Variants in XKR6 observed in about 807,000 individuals in gnomAD.
XKR6 encodes XK related 6.
A neutral mutation model predicts 56.7 loss-of-function variants in XKR6; 22 were observed. The ratio of observed to expected loss-of-function variants is 0.39; its 90% CI spans 0.28 to 0.55. The LOEUF (loss-of-function observed/expected upper bound fraction) is 0.55. Among genes scored for constraint, XKR6 ranks in the 20% least tolerant of loss-of-function variants. The pLI is 0.66. For synonymous variants in XKR6, 524 were observed against 387.8 expected (o/e 1.35, Z -4.13); for missense variants, 852 against 889.0 (o/e 0.96, Z 0.53).
chr8:11,187,691 A>G (rs569418321), intron 1 of XKR6, among the ~76,000 whole-genome samples: 3 of 152,314 alleles, frequency 2.0e-5, no homozygotes, highest in East Asian at 1.9e-4. Context: ...AGCAGTGGGC[A>G]TGGGGGTGGC....
At chr8:10,952,990 T>C (rs1382569181) in intron 1 of XKR6, among the ~76,000 whole-genome samples, 1 of 152,012 alleles carries the variant, frequency 6.6e-6, no homozygotes. Context: ...GCGCGCTCCT[T>C]ATGAGAATCT....
At chr8:11,034,679 G>A (rs1355271466) in intron 1 of XKR6, among the ~76,000 whole-genome samples, 5 of 152,186 alleles carry the variant, frequency 3.3e-5, no homozygotes, top group African/African-American at 1.2e-4. Flanking sequence ...ACCAGCACAT[G>A]ACTGTCAGGC....
intron 1 of XKR6, among the ~76,000 whole-genome samples, chr8:11,012,487 GGCT>G (rs1346228116): frequency 6.6e-6 from 1 of 151,964 alleles, no homozygotes; most frequent in Non-Finnish European, 1.5e-5. Context: ...TAGTTGTTAC[GGCT>G]GCTATTATCA....
At chr8:11,114,534 T>C (rs1799065563) in intron 1 of XKR6, among the ~76,000 whole-genome samples, 1 of 152,156 alleles carries the variant, frequency 6.6e-6, no homozygotes, top group Non-Finnish European at 1.5e-5. Context: ...CTAATTCTTG[T>C]ATTTTTAGTA....
intron 1 of XKR6, among the ~76,000 whole-genome samples, chr8:11,166,043 C>A (rs1232636335): frequency 1.3e-5 from 2 of 151,444 alleles, no homozygotes; most frequent in Non-Finnish European, 2.9e-5. Flanking sequence ...GCAACCTCCA[C>A]CTCCTGGATT....
At chr8:11,168,923 G>A (rs1406744972) in intron 1 of XKR6, among the ~76,000 whole-genome samples, 1 of 152,188 alleles carries the variant, frequency 6.6e-6, no homozygotes, top group African/African-American at 2.4e-5. Context: ...AGTGGGCTCT[G>A]TTGGGTTCCT....
intron 1 of XKR6, among the ~76,000 whole-genome samples, chr8:10,975,261 C>G (rs977334213): frequency 1.3e-5 from 2 of 152,320 alleles, no homozygotes; most frequent in Admixed American, 1.3e-4. Context: ...TGGCACCATC[C>G]CAGGCTGCTC....
chr8:11,086,372 C>G (rs1381842586), intron 1 of XKR6, among the ~76,000 whole-genome samples: 1 of 152,068 alleles, frequency 6.6e-6, no homozygotes, highest in African/African-American at 2.4e-5. Flanking sequence ...CGAGGATGTG[C>G]CCGGCACACA....
chr8:10,990,092 T>C (rs753550207), intron 1 of XKR6, among the ~76,000 whole-genome samples: 1 of 152,212 alleles, frequency 6.6e-6, no homozygotes, highest in Non-Finnish European at 1.5e-5. Context: ...TAAATGCTGA[T>C]TGAGACTGCA....
intron 1 of XKR6, among the ~76,000 whole-genome samples, chr8:11,155,509 C>G (rs1801479014): frequency 6.6e-6 from 1 of 152,208 alleles, no homozygotes; most frequent in African/African-American, 2.4e-5. Context: ...TAATGGAATT[C>G]AAGATCCTCA....
chr8:11,166,651 C>T (rs1025864536), intron 1 of XKR6, among the ~76,000 whole-genome samples: 9 of 152,122 alleles, frequency 5.9e-5, no homozygotes, highest in Non-Finnish European at 8.8e-5. Flanking sequence ...TGGCTCACTG[C>T]AACCTCTGCC....
intron 1 of XKR6, among the ~76,000 whole-genome samples, chr8:11,097,395 T>C (rs1450090096): frequency 1.3e-5 from 2 of 151,718 alleles, no homozygotes; most frequent in East Asian, 3.9e-4. Flanking sequence ...ACTTGAGCAA[T>C]ATGCCACTTT....
chr8:10,947,095 C>T (rs11779116), intron 1 of XKR6, among the ~76,000 whole-genome samples: 11,434 of 152,118 alleles, frequency 0.075, 445 homozygotes, highest in Middle Eastern at 0.14. Context: ...CTGGCTGCAG[C>T]TAAGGAGACG....
intron 1 of XKR6, among the ~76,000 whole-genome samples, chr8:11,051,856 A>G (rs547650559): frequency 3.9e-5 from 6 of 152,188 alleles, no homozygotes; most frequent in Admixed American, 2.0e-4. Context: ...CCAAACAAAC[A>G]AAACGGGATA....
intron 1 of XKR6, among the ~76,000 whole-genome samples, chr8:10,986,798 T>C (rs911529539): frequency 6.6e-6 from 1 of 152,072 alleles, no homozygotes; most frequent in African/African-American, 2.4e-5. Flanking sequence ...CTTTTTTTTT[T>C]TTAAGAGATA....
At chr8:11,063,454 C>T (rs1180922009) in intron 1 of XKR6, among the ~76,000 whole-genome samples, 1 of 150,514 alleles carries the variant, frequency 6.6e-6, no homozygotes, top group Non-Finnish European at 1.5e-5. Flanking sequence ...GCTACGATCT[C>T]ACCATCTCAC....
intron 1 of XKR6, among the ~76,000 whole-genome samples, chr8:11,184,367 T>TTATA (rs1238687932): frequency 0.027 from 4,033 of 147,056 alleles, 167 homozygotes; most frequent in African/African-American, 0.096. Flanking sequence ...AATACATATT[T>TTATA]TATATATATA....
At chr8:10,916,751 A>T (rs1038928857) in intron 2 of XKR6, among the ~76,000 whole-genome samples, 4 of 152,230 alleles carry the variant, frequency 2.6e-5, no homozygotes, top group Admixed American at 2.6e-4. Context: ...TGCAGCCAAA[A>T]AGAAAGGCAC....
At chr8:11,114,176 C>T (rs1799046327) in intron 1 of XKR6, 1 of 362,222 alleles carries the variant, frequency 2.8e-6, no homozygotes, top group Admixed American at 4.2e-5. Context: ...ATATTAGAAG[C>T]CATTTTTATC....
Sources: gnomAD v4.1 joint callset for allele counts (sites outside exome capture counted in the v4.1 genomes callset) on GRCh38, gnomAD v4.1.1 for gene constraint, MANE v1.5 for transcripts, NCBI Gene and HGNC (gene_info 2026-07-23, HGNC 2026-07-21) for gene names.